Variants in DNM3 observed in about 807,000 individuals in gnomAD.
DNM3 encodes dynamin 3.
A neutral mutation model predicts 101.6 loss-of-function variants in DNM3; 47 were observed. The observed-to-expected ratio is 0.46, with a 90% confidence interval of 0.37 to 0.59. The LOEUF (loss-of-function observed/expected upper bound fraction) is 0.59, where lower values mean the gene tolerates loss of function less well. DNM3 is among the 20% of genes least tolerant of loss of function. DNM3 has a pLI of 0.00. For synonymous variants in DNM3, 385 were observed against 387.9 expected (o/e 0.99, Z 0.09); for missense variants, 849 against 1,085.7 (o/e 0.78, Z 3.06).
chr1:172,405,617 T>A (rs1170779387), intron 20 of DNM3, among the ~76,000 whole-genome samples: 3 of 152,100 alleles, frequency 2.0e-5, no homozygotes, highest in Admixed American at 6.6e-5. Context: ...AAATCAACTT[T>A]TTATTTAATG....
chr1:172,225,007 C>T (rs1416437193), intron 14 of DNM3, among the ~76,000 whole-genome samples: 4 of 152,046 alleles, frequency 2.6e-5, no homozygotes, highest in Non-Finnish European at 4.4e-5. Context: ...TTCAGAGAAG[C>T]GACATGATGT....
At chr1:172,344,820 T>G (rs1169010103) in intron 17 of DNM3, among the ~76,000 whole-genome samples, 2 of 152,234 alleles carry the variant, frequency 1.3e-5, no homozygotes, top group Non-Finnish European at 2.9e-5. Context: ...AATGGTTGAT[T>G]TGAATTTTGA....
intron 18 of DNM3, chr1:172,381,090 C>T (rs1397670185): frequency 1.3e-5 from 2 of 151,326 alleles, no homozygotes; most frequent in Non-Finnish European, 3.0e-5. Context: ...CACACACACA[C>T]ACTGAAAGAA....
At chr1:172,346,681 G>T (rs2066956943) in intron 17 of DNM3, among the ~76,000 whole-genome samples, 1 of 152,148 alleles carries the variant, frequency 6.6e-6, no homozygotes, top group Non-Finnish European at 1.5e-5. Context: ...GAAGAAAATA[G>T]ATCAAATTTG....
chr1:172,343,681 T>G (rs2066795706), intron 17 of DNM3, among the ~76,000 whole-genome samples: 1 of 152,188 alleles, frequency 6.6e-6, no homozygotes, highest in East Asian at 1.9e-4. Context: ...TTTCCCATAT[T>G]TCTTCCAAGT....
chr1:172,233,977 G>T (rs1027620448), intron 14 of DNM3, among the ~76,000 whole-genome samples: 4 of 152,216 alleles, frequency 2.6e-5, no homozygotes, highest in African/African-American at 4.8e-5. Context: ...TTGAAAACTG[G>T]CACAAGACAG....
chr1:172,020,776 T>C (rs1292623584), intron 4 of DNM3, among the ~76,000 whole-genome samples: 1 of 146,780 alleles, frequency 6.8e-6, no homozygotes, highest in Non-Finnish European at 1.5e-5. Context: ...TTCCAGTTGA[T>C]CACTTTCCTC....
At chr1:172,020,834 G>T (rs1358603860) in intron 4 of DNM3, among the ~76,000 whole-genome samples, 2 of 151,506 alleles carry the variant, frequency 1.3e-5, no homozygotes, top group Non-Finnish European at 2.9e-5. Context: ...AATTTACTGC[G>T]AGAATTTATT....
chr1:171,952,961 CTCAAT>C (rs1422259976), intron 2 of DNM3, among the ~76,000 whole-genome samples: 60 of 152,122 alleles, frequency 3.9e-4, no homozygotes, highest in Non-Finnish European at 1.6e-4. Flanking sequence ...ATTTTATTCT[CTCAAT>C]TCAGAGAGTT....
At chr1:172,084,302 C>T (rs893211268) in intron 12 of DNM3, among the ~76,000 whole-genome samples, 5 of 152,110 alleles carry the variant, frequency 3.3e-5, no homozygotes, top group African/African-American at 1.2e-4. Context: ...CTGTCTCTCA[C>T]TCTCTCCACA....
intron 14 of DNM3, among the ~76,000 whole-genome samples, chr1:172,239,627 C>T (rs1348147198): frequency 1.3e-5 from 2 of 151,974 alleles, no homozygotes; most frequent in African/African-American, 4.8e-5. Context: ...TCTTTGTCTC[C>T]AGAAGCTGAG....
intron 14 of DNM3, among the ~76,000 whole-genome samples, chr1:172,182,819 G>C (rs2059394482): frequency 6.6e-6 from 1 of 152,036 alleles, no homozygotes; most frequent in Non-Finnish European, 1.5e-5. Context: ...TTGCAGGAAG[G>C]CTTAAGGACC....
At chr1:172,022,224 T>G (rs1031616859) in intron 4 of DNM3, among the ~76,000 whole-genome samples, 1 of 152,206 alleles carries the variant, frequency 6.6e-6, no homozygotes, top group Non-Finnish European at 1.5e-5. Flanking sequence ...TATCTATCTC[T>G]TGGTGGTTGT....
intron 17 of DNM3, among the ~76,000 whole-genome samples, chr1:172,348,224 G>A (rs571088105): frequency 2.6e-5 from 4 of 152,258 alleles, no homozygotes; most frequent in Non-Finnish European, 5.9e-5. Flanking sequence ...CATTGAGGAG[G>A]TAGGAGGAGA....
At chr1:171,849,256 C>T (rs1434536065) in intron 1 of DNM3, among the ~76,000 whole-genome samples, 1 of 152,134 alleles carries the variant, frequency 6.6e-6, no homozygotes, top group East Asian at 1.9e-4. Flanking sequence ...GCTCTTGAGT[C>T]CTGCCTCTGA....
chr1:171,854,948 G>A (rs1405627933), intron 1 of DNM3, among the ~76,000 whole-genome samples: 1 of 152,058 alleles, frequency 6.6e-6, no homozygotes, highest in Non-Finnish European at 1.5e-5. Context: ...CTTGTGTCAT[G>A]GGGGCTTGTT....
At chr1:172,116,644 C>T (rs1207134030) in intron 13 of DNM3, among the ~76,000 whole-genome samples, 1 of 152,158 alleles carries the variant, frequency 6.6e-6, no homozygotes, top group Non-Finnish European at 1.5e-5. Context: ...TTTGGAAGTA[C>T]ATCTGGAACA....
At chr1:172,127,759 AGAAAG>A (rs938608667) in intron 13 of DNM3, among the ~76,000 whole-genome samples, 28 of 152,120 alleles carry the variant, frequency 1.8e-4, no homozygotes, top group African/African-American at 6.7e-4. Context: ...CCCATGCTAA[AGAAAG>A]AAAGAAAGGA....
intron 2 of DNM3, among the ~76,000 whole-genome samples, chr1:171,937,563 G>A (rs2041523557): frequency 6.6e-6 from 1 of 152,000 alleles, no homozygotes; most frequent in African/African-American, 2.4e-5. Context: ...CCAGAGACCT[G>A]CTTTATTTAC....
Sources: gnomAD v4.1 joint callset for allele counts (sites outside exome capture counted in the v4.1 genomes callset) on GRCh38, gnomAD v4.1.1 for gene constraint, MANE v1.5 for transcripts, NCBI Gene and HGNC (gene_info 2026-07-23, HGNC 2026-07-21) for gene names.